Variants in FTO observed in about 807,000 individuals in gnomAD.
FTO encodes FTO alpha-ketoglutarate dependent dioxygenase, also known as alpha-ketoglutarate-dependent dioxygenase FTO.
Under a neutral mutation model 63.9 loss-of-function variants are expected in FTO, and 47 were observed. That is an observed-to-expected ratio of 0.74 (90% CI 0.58 to 0.94). The LOEUF is 0.94. FTO is among the 40% of genes least tolerant of loss of function. FTO has a pLI of 0.00. For missense variants in FTO, 562 were observed against 618.1 expected (o/e 0.91, Z 0.96); for synonymous variants, 207 against 224.4 (o/e 0.92, Z 0.69).
intron 6 of FTO, among the ~76,000 whole-genome samples, chr16:53,882,391 G>C (rs1283720343): frequency 6.6e-6 from 1 of 151,206 alleles, no homozygotes; most frequent in South Asian, 2.1e-4. Context: ...AAAAAAAACA[G>C]AGCAAGATGA....
intron 1 of FTO, among the ~76,000 whole-genome samples, chr16:53,726,346 T>C (rs1296705519): frequency 6.6e-6 from 1 of 152,238 alleles, no homozygotes; most frequent in Non-Finnish European, 1.5e-5. Flanking sequence ...TTTGTAGACA[T>C]GTAGGAACTT....
At chr16:54,077,658 C>T (rs1399888384) in intron 8 of FTO, among the ~76,000 whole-genome samples, 1 of 152,146 alleles carries the variant, frequency 6.6e-6, no homozygotes, top group African/African-American at 2.4e-5. Context: ...TCCCCTCAGT[C>T]AGGCAGGCAA....
chr16:53,847,836 G>A (rs981208264), intron 4 of FTO, among the ~76,000 whole-genome samples: 2 of 151,840 alleles, frequency 1.3e-5, no homozygotes, highest in African/African-American at 4.8e-5. Flanking sequence ...GGATTTTGGT[G>A]TTATAATGAG....
intron 1 of FTO, among the ~76,000 whole-genome samples, chr16:53,793,340 G>T (rs1230626788): frequency 6.6e-6 from 1 of 151,922 alleles, no homozygotes; most frequent in Non-Finnish European, 1.5e-5. Flanking sequence ...TTGAAACTTG[G>T]ACTATGTTCT....
chr16:53,977,415 T>C (rs2083455423), intron 8 of FTO, among the ~76,000 whole-genome samples: 1 of 152,208 alleles, frequency 6.6e-6, no homozygotes, highest in African/African-American at 2.4e-5. Flanking sequence ...GTGATATTTT[T>C]CTATAGCAGT....
intron 4 of FTO, among the ~76,000 whole-genome samples, chr16:53,869,417 A>G (rs945805260): frequency 6.6e-5 from 10 of 151,976 alleles, no homozygotes; most frequent in Admixed American, 2.6e-4. Flanking sequence ...GGTGTCTAAC[A>G]TTAATTTAAG....
At chr16:53,885,152 CTT>C (rs771384037) in intron 6 of FTO, among the ~76,000 whole-genome samples, 6 of 152,280 alleles carry the variant, frequency 3.9e-5, no homozygotes, top group African/African-American at 1.2e-4. Context: ...CGTTCTGACT[CTT>C]TGGTTTTGTG....
intron 1 of FTO, among the ~76,000 whole-genome samples, chr16:53,782,098 A>G (rs772572097): frequency 2.6e-5 from 4 of 152,178 alleles, no homozygotes; most frequent in African/African-American, 9.7e-5. Context: ...AGAACTTTGT[A>G]TTTAATTTCA....
chr16:53,931,661 G>C (rs1387423353), intron 7 of FTO, among the ~76,000 whole-genome samples: 2 of 151,838 alleles, frequency 1.3e-5, no homozygotes, highest in Non-Finnish European at 2.9e-5. Flanking sequence ...CATGAAGTAG[G>C]GTGTCACAGA....
chr16:53,870,246 A>G (rs2080456666), intron 4 of FTO, among the ~76,000 whole-genome samples: 1 of 151,930 alleles, frequency 6.6e-6, no homozygotes, highest in South Asian at 2.1e-4. Flanking sequence ...TAAAGTCGCT[A>G]TTTTTTCCCT....
chr16:54,042,664 A>C (rs1206083533), intron 8 of FTO, among the ~76,000 whole-genome samples: 2 of 35,860 alleles, frequency 5.6e-5, no homozygotes, highest in Non-Finnish European at 8.4e-5. Context: ...GGGCACAGAC[A>C]AACAAAAAGA....
intron 8 of FTO, among the ~76,000 whole-genome samples, chr16:53,972,522 G>T (rs1339407290): frequency 1.3e-5 from 2 of 152,126 alleles, no homozygotes; most frequent in Non-Finnish European, 2.9e-5. Flanking sequence ...CAATAAATTG[G>T]TAATAATATG....
intron 1 of FTO, among the ~76,000 whole-genome samples, chr16:53,788,476 G>A (rs923945267): frequency 4.6e-5 from 7 of 151,752 alleles, no homozygotes; most frequent in African/African-American, 1.5e-4. Flanking sequence ...GGTGGTGGGC[G>A]CCTGTAATCC....
chr16:53,778,703 G>C (rs1463440274), intron 1 of FTO, among the ~76,000 whole-genome samples: 1 of 152,110 alleles, frequency 6.6e-6, no homozygotes, highest in Non-Finnish European at 1.5e-5. Context: ...AGGCAACCTG[G>C]AGGAGAAAAT....
intron 6 of FTO, among the ~76,000 whole-genome samples, chr16:53,881,332 A>G (rs1278018832): frequency 6.6e-6 from 1 of 152,104 alleles, no homozygotes; most frequent in Non-Finnish European, 1.5e-5. Flanking sequence ...GATAGTAAGC[A>G]TGCCTGTCTT....
intron 4 of FTO, among the ~76,000 whole-genome samples, chr16:53,868,114 T>C (rs913902996): frequency 3.3e-5 from 5 of 152,162 alleles, no homozygotes; most frequent in Admixed American, 2.0e-4. Flanking sequence ...GTAGATAGCA[T>C]ATGCCTTGTT....
At chr16:53,710,644 C>T (rs752027809) in intron 1 of FTO, among the ~76,000 whole-genome samples, 25 of 152,100 alleles carry the variant, frequency 1.6e-4, no homozygotes, top group Non-Finnish European at 3.5e-4. Flanking sequence ...ACATATGCCT[C>T]CTGGCTGTAG....
At chr16:53,909,532 CTTTTTTT>C (rs58121446) in intron 7 of FTO, among the ~76,000 whole-genome samples, 9 of 71,190 alleles carry the variant, frequency 1.3e-4, no homozygotes, top group African/African-American at 6.2e-4. Context: ...AGAGCCCCGC[CTTTTTTT>C]TTTTTTTTTT....
intron 7 of FTO, among the ~76,000 whole-genome samples, chr16:53,929,963 T>G (rs1243929217): frequency 6.6e-6 from 1 of 152,162 alleles, no homozygotes; most frequent in African/African-American, 2.4e-5. Context: ...AGGGTGATGC[T>G]AGGTGGCACT....
Sources: gnomAD v4.1 joint callset for allele counts (sites outside exome capture counted in the v4.1 genomes callset) on GRCh38, gnomAD v4.1.1 for gene constraint, MANE v1.5 for transcripts, NCBI Gene and HGNC (gene_info 2026-07-23, HGNC 2026-07-21) for gene names.